IGSF21: variants seen among roughly 807,000 people sequenced by gnomAD.
IGSF21 encodes the protein immunoglobulin superfamily member 21.
A neutral mutation model predicts 46.8 loss-of-function variants in IGSF21; 28 were observed. That is an observed-to-expected ratio of 0.60 (90% confidence interval 0.44 to 0.82). IGSF21 has a LOEUF of 0.82. IGSF21 is among the 40% of genes least tolerant of loss of function. IGSF21 has a pLI of 0.00. For missense variants in IGSF21, 624 were observed against 665.5 expected (o/e 0.94, Z 0.69); for synonymous variants, 284 against 273.6 (o/e 1.04, Z -0.38).
intron 1 of IGSF21, among the ~76,000 whole-genome samples, chr1:18,195,606 G>A (rs149847190): frequency 6.6e-6 from 1 of 152,270 alleles, no homozygotes; most frequent in East Asian, 1.9e-4. Flanking sequence ...TCTCTGGAAT[G>A]AATTCCATTC....
At chr1:18,361,999 C>T (rs1235840870) in intron 4 of IGSF21, 116 bp from the exon 5 acceptor site, 16 of 674,982 alleles carry the variant, frequency 2.4e-5, no homozygotes, top group Non-Finnish European at 3.6e-5. Flanking sequence ...TTGGCAACAC[C>T]TGCCCTCCCC....
At chr1:18,141,499 G>A (rs2086414915) in intron 1 of IGSF21, among the ~76,000 whole-genome samples, 1 of 152,132 alleles carries the variant, frequency 6.6e-6, no homozygotes, top group Non-Finnish European at 1.5e-5. Context: ...GTAGGGCAGG[G>A]GGTTGGGGGA....
At chr1:18,192,457 G>A (rs2086966974) in intron 1 of IGSF21, among the ~76,000 whole-genome samples, 2 of 152,222 alleles carry the variant, frequency 1.3e-5, no homozygotes, top group Admixed American at 1.3e-4. Flanking sequence ...CATACTTTGA[G>A]GGTGCCTGAG....
Position 18,367,630 on chromosome 1 carries a change from G to A in IGSF21, c.1015+1933G>A, listed in dbSNP as rs1331878539. ...TTTTTTTTTTTTTTTTTTTTTGACAGAGTCTGGCTCTGTCACACCCAGGCT... is the reference window on the plus strand; with the variant it reads ...TTTTTTTTTTTTTTTTTTTTTGACAAAGTCTGGCTCTGTCACACCCAGGCT... On this transcript the variant is annotated intron_variant, in intron 6 of 9. Transcript: ENST00000251296. Among the ~76,000 whole-genome samples, 4 of 62,830 alleles carry A rather than the reference G, an allele frequency of 6.4e-5. No individual in the cohort carries two copies. In the Admixed American group the frequency reaches 7.7e-4, roughly 12 times the overall value. 41.2% of individuals were successfully genotyped at this position (62,830 alleles called of 152,430 possible).
intron 3 of IGSF21, among the ~76,000 whole-genome samples, chr1:18,325,699 T>A (rs2085650940): frequency 6.6e-6 from 1 of 152,134 alleles, no homozygotes. Flanking sequence ...TGGGGTCTCC[T>A]GTAAGGGACC....
chr1:18,251,466 G>A (rs1031715479), intron 2 of IGSF21, among the ~76,000 whole-genome samples: 1 of 152,120 alleles, frequency 6.6e-6, no homozygotes, highest in East Asian at 1.9e-4. Context: ...AGTGACTCAG[G>A]GATCCAGGCT....
intron 1 of IGSF21, among the ~76,000 whole-genome samples, chr1:18,125,610 T>C (rs2086268225): frequency 6.6e-6 from 1 of 152,254 alleles, no homozygotes; most frequent in African/African-American, 2.4e-5. Context: ...CATTTATTCA[T>C]TCAACTCATG....
chr1:18,228,031 C>G (rs1022311771), intron 2 of IGSF21, 21 bp downstream of exon 2: 9 of 1,568,952 alleles, frequency 5.7e-6, no homozygotes, highest in East Asian at 2.2e-5. Flanking sequence ...ACTACTGCCC[C>G]CTTCATGCCC....
At chr1:18,369,263 G>A (rs2086201257) in intron 6 of IGSF21, among the ~76,000 whole-genome samples, 1 of 152,212 alleles carries the variant, frequency 6.6e-6, no homozygotes, top group South Asian at 2.1e-4. Context: ...TTTCTGACCT[G>A]ATGAAGGGGG....
At chr1:18,223,543 T>C (rs1022640426) in intron 1 of IGSF21, among the ~76,000 whole-genome samples, 6 of 152,242 alleles carry the variant, frequency 3.9e-5, no homozygotes, top group African/African-American at 1.2e-4. Context: ...CGTTCCTGTC[T>C]GTGACAGAGG....
chr1:18,294,902 A>T (rs1283555712), intron 3 of IGSF21, among the ~76,000 whole-genome samples: 1 of 152,226 alleles, frequency 6.6e-6, no homozygotes, highest in Non-Finnish European at 1.5e-5. Flanking sequence ...GGGGCGCGGG[A>T]CTCCGCATTT....
rs374398907 is a variant in IGSF21, at chr1:18,365,450, C to T, written c.768C>T (p.Ile256=). The T allele has an allele frequency of 2.4e-5, 38 of 1,613,978 alleles. No homozygotes were observed. Among genetic ancestry groups the T allele is most frequent in the Non-Finnish European group, 3.2e-5 (38 of 1,180,016 alleles). The change falls in exon 6 of 10, where the codon ATC becomes ATT. Residue 256 remains isoleucine (I), a synonymous_variant. Transcript: ENST00000251296. This position sits in a 1 kb window ranked among gnomAD's most constrained non-coding sequence, Gnocchi z 4.8. ...GTGGCCTGACCCCAGATCCCAACAT[C>T]CTCCTCCAGCCAACCACAGAGAACA... ...PSRGLTPDPN[I]LLQPTTENIP...
At chr1:18,187,864 A>G (rs2124473896) in intron 1 of IGSF21, among the ~76,000 whole-genome samples, 1 of 152,346 alleles carries the variant, frequency 6.6e-6, no homozygotes, top group South Asian at 2.1e-4. Context: ...GATTCTGAGC[A>G]CAGTCCTTGG....
At chr1:18,316,452 A>C (rs991959059) in intron 3 of IGSF21, among the ~76,000 whole-genome samples, 1 of 152,128 alleles carries the variant, frequency 6.6e-6, no homozygotes, top group East Asian at 1.9e-4. Flanking sequence ...AGGGCTCTGC[A>C]TGGACTCTCC....
At chr1:18,132,870 G>A (rs564632608) in intron 1 of IGSF21, among the ~76,000 whole-genome samples, 1 of 150,368 alleles carries the variant, frequency 6.7e-6, no homozygotes, top group African/African-American at 2.4e-5. Flanking sequence ...ACTGGGCGGG[G>A]TCTGGCCTGT....
chr1:18,173,583 T>G (rs1440662325), intron 1 of IGSF21, among the ~76,000 whole-genome samples: 1 of 152,228 alleles, frequency 6.6e-6, no homozygotes, highest in Non-Finnish European at 1.5e-5. Context: ...GTTTGTGTCT[T>G]TTGGGTCTGG....
At chr1:18,327,234 G>A (rs1184547272) in intron 3 of IGSF21, among the ~76,000 whole-genome samples, 1 of 152,194 alleles carries the variant, frequency 6.6e-6, no homozygotes, top group Non-Finnish European at 1.5e-5. Flanking sequence ...AGGGGCATGA[G>A]GGGCAACATG....
chr1:18,378,479 C>G lies in IGSF21; in HGVS notation c.*153C>G. 1.5e-6 allele frequency: 1 copy of G among 665,604 alleles called. No homozygotes were observed. Among genetic ancestry groups the G allele is most frequent in the Non-Finnish European group, 2.6e-6 (1 of 392,152 alleles). The allele number at this position is 665,604 out of a possible 1,614,324, so 41.2% of individuals were successfully genotyped here. ...TAATTAAAACAAACAGAACAATTTTCCCCACCTCGGTTTGTGGCTCTGCAT... is the reference window on the plus strand; with the variant it reads ...TAATTAAAACAAACAGAACAATTTTGCCCACCTCGGTTTGTGGCTCTGCAT... On this transcript the variant is annotated 3_prime_UTR_variant, in exon 10 of 10. Coordinates refer to ENST00000251296, the MANE Select transcript of IGSF21 (RefSeq NM_032880.5).
chr1:18,149,961 T>C (rs1396857961), intron 1 of IGSF21, among the ~76,000 whole-genome samples: 2 of 152,190 alleles, frequency 1.3e-5, no homozygotes, highest in Non-Finnish European at 2.9e-5. Flanking sequence ...AGCAAGAATG[T>C]AGGCTTTGGG....
Sources: gnomAD v4.1 joint callset for allele counts (sites outside exome capture counted in the v4.1 genomes callset) on GRCh38, gnomAD v4.1.1 for gene constraint, Gnocchi (gnomAD v3.1) non-coding constraint, MANE v1.5 for transcripts, NCBI Gene and HGNC (gene_info 2026-07-23, HGNC 2026-07-21) for gene names.